The following RFFL variants were observed in gnomAD, a reference collection of about 807,000 sequenced individuals.
The protein encoded by RFFL is E3 ubiquitin-protein ligase rififylin.
A neutral mutation model predicts 40.4 loss-of-function variants in RFFL; 16 were observed. The observed-to-expected ratio is 0.40, with a 90% CI of 0.27 to 0.60. The LOEUF (loss-of-function observed/expected upper bound fraction) is 0.60. RFFL is among the 20% of genes least tolerant of loss of function. The pLI, the probability that RFFL is intolerant of heterozygous loss-of-function variation, is 0.47. For synonymous variants in RFFL, 154 were observed against 167.9 expected, an observed-to-expected ratio of 0.92 and a Z score of 0.64; for missense variants, 367 against 451.7, an observed-to-expected ratio of 0.81 and a Z score of 1.70.
intron 1 of RFFL, among the ~76,000 whole-genome samples, chr17:35,040,823 A>G (rs1317119912): frequency 6.8e-6 from 1 of 146,040 alleles, no homozygotes; most frequent in African/African-American, 2.5e-5. Context: ...CTTGTCATCC[A>G]AACATCAGCT....
chr17:35,081,595 A>G (rs1236803957), intron 1 of RFFL, among the ~76,000 whole-genome samples: 1 of 152,230 alleles, frequency 6.6e-6, no homozygotes, highest in African/African-American at 2.4e-5. Flanking sequence ...ATGCTTAAAC[A>G]GCCAATTATG....
chr17:35,049,304 G>GCACACA (rs111976707), intron 1 of RFFL, among the ~76,000 whole-genome samples: 49 of 149,920 alleles, frequency 3.3e-4, no homozygotes, highest in African/African-American at 1.0e-3. Context: ...GGTACAGAAT[G>GCACACA]CACACACACA....
rs565187684 is a variant in RFFL, at chr17:35,009,331, A to G, written c.*2637T>C. 1.3e-5 allele frequency: 2 copies of G among 152,438 alleles called. No homozygotes were observed. The highest frequency in any genetic ancestry group is 1.9e-4 in the East Asian group (1 of 5,192). The allele number at this position is 152,438 out of a possible 1,614,324, so 9.4% of individuals were successfully genotyped here. A position where few individuals can be genotyped will look rare whatever the true frequency, so the allele number is the denominator to read the frequency against. ...TATTCTTATTAGTTTGGATCCAACT[A>G]TTCCAATGTATTATGAACCAGTCAG... is the stretch of plus-strand genomic sequence containing the variant. On this transcript the variant is annotated 3_prime_UTR_variant, in exon 7 of 7. Transcript: ENST00000394597.
At chr17:35,030,622 A>C (rs1487669719) in intron 1 of RFFL, among the ~76,000 whole-genome samples, 1 of 151,764 alleles carries the variant, frequency 6.6e-6, no homozygotes, top group African/African-American at 2.4e-5. Context: ...TTTAGTAGAG[A>C]CTGGGTTTTG....
upstream of RFFL, among the ~76,000 whole-genome samples, chr17:35,068,660 A>G (rs568896643): frequency 6.6e-6 from 1 of 152,352 alleles, no homozygotes; most frequent in Non-Finnish European, 1.5e-5. Context: ...ATCCAATATC[A>G]AGAGGCTAGC....
In RFFL at chr17:35,014,723, C is replaced by G. The variant is rs768031352; in HGVS notation, c.910+17G>C. 1 of 1,612,436 alleles carries G rather than the reference C, an allele frequency of 6.2e-7. No individual in the cohort carries two copies. Among genetic ancestry groups the G allele is most frequent in the Non-Finnish European group, 8.5e-7 (1 of 1,178,508 alleles). On this transcript the variant is annotated intron_variant, in intron 6 of 6. Coordinates refer to ENST00000394597, the MANE Select transcript of RFFL (RefSeq NM_001017368.2). The stretch of plus-strand genomic sequence containing the variant: ...AAAAGGGCCTAAGCCCATTCCCAAA[C>G]AGAAACAACTACATACCGTTTTGGT...
At chr17:35,056,333 C>T (rs1205352194) in intron 1 of RFFL, among the ~76,000 whole-genome samples, 3 of 150,658 alleles carry the variant, frequency 2.0e-5, no homozygotes, top group African/African-American at 7.3e-5. Context: ...GTACTCCATA[C>T]TCTTCCTTCT....
At chr17:35,059,071 T>C (rs927656945) in intron 1 of RFFL, among the ~76,000 whole-genome samples, 1 of 143,850 alleles carries the variant, frequency 7.0e-6, no homozygotes, top group African/African-American at 2.6e-5. Flanking sequence ...CAGGTTGGAG[T>C]GCAATGGCAC....
chr17:35,070,543 T>G (rs978596610), intron 1 of RFFL, among the ~76,000 whole-genome samples: 5 of 152,242 alleles, frequency 3.3e-5, no homozygotes, highest in African/African-American at 1.2e-4. Context: ...TTAGGGCCTT[T>G]GGAAGCCAAA....
At chr17:35,044,062 CTTAA>C (rs2091182807) in intron 1 of RFFL, among the ~76,000 whole-genome samples, 1 of 152,150 alleles carries the variant, frequency 6.6e-6, no homozygotes, top group Non-Finnish European at 1.5e-5. Flanking sequence ...ATTTTTCTGA[CTTAA>C]TTGTCTCAAC....
At chr17:35,028,049 C>T (rs377193825) in intron 1 of RFFL, among the ~76,000 whole-genome samples, 9 of 147,982 alleles carry the variant, frequency 6.1e-5, no homozygotes, top group African/African-American at 1.8e-4. Flanking sequence ...AAAAAAGAAG[C>T]GTTGGCCAGG....
intron 1 of RFFL, among the ~76,000 whole-genome samples, chr17:35,081,686 G>A (rs963246020): frequency 6.6e-6 from 1 of 151,818 alleles, no homozygotes; most frequent in African/African-American, 2.4e-5. Context: ...ATGTACCCTG[G>A]GGCCTAAGTC....
intron 1 of RFFL, among the ~76,000 whole-genome samples, chr17:35,075,586 TCAAA>T (rs746594534): frequency 1.7e-4 from 26 of 152,172 alleles, no homozygotes; most frequent in Non-Finnish European, 2.5e-4. Context: ...CCAAAAACAT[TCAAA>T]CAGTTTCATT....
intron 4 of RFFL, 53 bp downstream of exon 4, chr17:35,017,470 G>T: frequency 8.6e-7 from 1 of 1,166,044 alleles, no homozygotes. Context: ...AGGTTCCGAA[G>T]AACACCAGTG....
intron 1 of RFFL, among the ~76,000 whole-genome samples, chr17:35,082,382 A>G (rs1425618617): frequency 6.6e-6 from 1 of 152,252 alleles, no homozygotes; most frequent in Non-Finnish European, 1.5e-5. Context: ...AAAGGCTCCT[A>G]GCCTAATCTG....
rs140586000 is a variant in RFFL at position 35,071,296 on chromosome 17, A to G, written c.-9+17809T>C. ...TCTCATACACTGCTGGTGAGACTGT[A>G]AAATGGTACAGCAACTCTGGAAAAG... On this transcript the variant is annotated intron_variant, in intron 1 of 6. Coordinates refer to the RFFL transcript ENST00000315249. Among the ~76,000 whole-genome samples the G allele has an allele frequency of 3.3e-3, 504 of 152,140 alleles. 5 individuals are homozygous for G. Among genetic ancestry groups the G allele is most frequent in the African/African-American group, 0.011 (444 of 41,564 alleles).
chr17:35,044,010 AG>A (rs1304399011), intron 1 of RFFL, among the ~76,000 whole-genome samples: 4 of 152,216 alleles, frequency 2.6e-5, no homozygotes, highest in African/African-American at 9.6e-5. Flanking sequence ...CTGATATTTA[AG>A]GTGTATTTCA....
intron 5 of RFFL, among the ~76,000 whole-genome samples, chr17:35,015,069 C>T (rs543635352): frequency 2.6e-5 from 4 of 152,196 alleles, no homozygotes; most frequent in East Asian, 3.9e-4. Flanking sequence ...TGGGTTCAAG[C>T]GATTCTCCTG....
chr17:35,072,871 C>T (rs1345758185), intron 1 of RFFL, among the ~76,000 whole-genome samples: 2 of 152,086 alleles, frequency 1.3e-5, no homozygotes, highest in African/African-American at 4.8e-5. Context: ...TGGAGAAACT[C>T]CGTCTCTACT....
Sources: gnomAD v4.1 joint callset for allele counts (sites outside exome capture counted in the v4.1 genomes callset) on GRCh38, gnomAD v4.1.1 for gene constraint, MANE v1.5 for transcripts, NCBI Gene and HGNC (gene_info 2026-07-23, HGNC 2026-07-21) for gene names.